GPD1L: variants seen among roughly 807,000 people sequenced by gnomAD.
The protein encoded by GPD1L is glycerol-3-phosphate dehydrogenase 1-like protein.
In GPD1L, 17 loss-of-function variants were observed where a neutral mutation model predicts 32.9. That is an observed-to-expected ratio of 0.52 (90% confidence interval 0.35 to 0.78). The LOEUF (loss-of-function observed/expected upper bound fraction) is 0.78, where lower values mean the gene tolerates loss of function less well. Ranked by LOEUF, GPD1L falls within the 30% of genes least tolerant of loss-of-function variation. GPD1L has a pLI of 0.01. For synonymous variants in GPD1L, 187 were observed against 165.9 expected (o/e 1.13, Z -0.98); for missense variants, 361 against 447.8 (o/e 0.81, Z 1.75).
chr3:32,162,960 C>T (rs748654637), intron 7 of GPD1L, among the ~76,000 whole-genome samples: 16 of 151,890 alleles, frequency 1.1e-4, no homozygotes, highest in Non-Finnish European at 2.2e-4. Flanking sequence ...GTTTTTACCA[C>T]GTTGCCCAGG....
intron 5 of GPD1L, among the ~76,000 whole-genome samples, chr3:32,156,361 C>T (rs1329343344): frequency 6.6e-6 from 1 of 152,230 alleles, no homozygotes; most frequent in Non-Finnish European, 1.5e-5. Context: ...TCCTCATCAG[C>T]TCTGCCTGCA....
chr3:32,119,539 C>T (rs1347715589), intron 1 of GPD1L, among the ~76,000 whole-genome samples: 2 of 152,092 alleles, frequency 1.3e-5, no homozygotes, highest in African/African-American at 4.8e-5. Flanking sequence ...TAGAAAGCTT[C>T]CCTATGTAGA....
intron 1 of GPD1L, among the ~76,000 whole-genome samples, chr3:32,115,656 T>A (rs1054581393): frequency 1.3e-5 from 2 of 151,392 alleles, no homozygotes; most frequent in Non-Finnish European, 2.9e-5. Context: ...ACACTGGCCA[T>A]CTGGACAGAA....
intron 1 of GPD1L, among the ~76,000 whole-genome samples, chr3:32,123,850 A>ACAGG (rs1559571618): frequency 4.6e-5 from 7 of 151,326 alleles, no homozygotes; most frequent in Admixed American, 1.3e-4. Context: ...AGACAGACAG[A>ACAGG]TAAGACCCAT....
intron 7 of GPD1L, among the ~76,000 whole-genome samples, chr3:32,160,254 G>GGATGGATGGAT (rs1283455865): frequency 1.4e-5 from 2 of 143,096 alleles, no homozygotes; most frequent in East Asian, 4.3e-4. Context: ...TGAGATAGAT[G>GGATGGATGGAT]GATGGATGGA....
intron 2 of GPD1L, among the ~76,000 whole-genome samples, chr3:32,128,686 T>C (rs1700546902): frequency 1.3e-5 from 2 of 152,172 alleles, no homozygotes; most frequent in Non-Finnish European, 2.9e-5. Context: ...CTTAAGTTAA[T>C]TACCTCTTTT....
chr3:32,116,810 A>C (rs1353757370), intron 1 of GPD1L, among the ~76,000 whole-genome samples: 1 of 152,216 alleles, frequency 6.6e-6, no homozygotes, highest in Non-Finnish European at 1.5e-5. Context: ...AGTAAGGACT[A>C]TCCCGGTTAA....
At position 32,166,354 on chromosome 3, in the gene GPD1L, A is replaced by G. The variant is rs1042162406; in HGVS notation, c.*444A>G. 4 of 216,602 alleles carry G rather than the reference A, an allele frequency of 1.8e-5. No homozygotes were observed. Among genetic ancestry groups the G allele is most frequent in the Admixed American group, 1.1e-4 (2 of 18,758 alleles). The allele number at this position is 216,602 out of a possible 1,614,324, so 13.4% of individuals were successfully genotyped here. A position where few individuals can be genotyped will look rare whatever the true frequency, so the allele number is the denominator to read the frequency against. On this transcript the variant is annotated 3_prime_UTR_variant, in exon 8 of 8. Coordinates refer to ENST00000282541, the MANE Select transcript of GPD1L (RefSeq NM_015141.4). ...GTAGAGTGGAGGAGTGAGTGTGTTC[A>G]AAGATCAACATATTTAACTTTTAAA...
chr3:32,163,237 T>C (rs377485071), intron 7 of GPD1L, among the ~76,000 whole-genome samples: 1 of 148,668 alleles, frequency 6.7e-6, no homozygotes, highest in African/African-American at 2.5e-5. Context: ...GGCACGATCT[T>C]GGCTCACTGC....
intron 5 of GPD1L, among the ~76,000 whole-genome samples, chr3:32,155,896 G>A (rs373149871): frequency 1.3e-5 from 2 of 152,328 alleles, no homozygotes; most frequent in East Asian, 3.9e-4. Flanking sequence ...CTCTCTGGAT[G>A]TCAGTGCCGT....
rs1485449260 is a variant in GPD1L, at chr3:32,154,098, TC to T, written c.619-4777del. ...CTGACTGGCTCAGTATCTTTATTTTTCTTTTGACAATGGTAAGTGGTGGAGG... is the reference window on the plus strand; with the variant it reads ...CTGACTGGCTCAGTATCTTTATTTTTTTTTGACAATGGTAAGTGGTGGAGG... On this transcript the variant is annotated intron_variant, in intron 5 of 7. Transcript: ENST00000282541. 3.9e-5 allele frequency among the ~76,000 whole-genome samples: 6 copies of T among 152,272 alleles called. No homozygotes were observed. In the East Asian group the frequency reaches 9.7e-4, roughly 24 times the overall value.
Position 32,138,706 on chromosome 3 carries a change from G to T in GPD1L, c.345G>T (p.Ala115=), listed in dbSNP as rs149167213. The change falls in exon 3 of 8, where the codon GCG becomes GCT. Residue 115 remains alanine (A), a synonymous_variant. Transcript: ENST00000282541. The part of the protein sequence containing the change: ...DEITGRVPKK[A]LGITLIKGID... ...TCACTGGGAGAGTGCCCAAGAAAGC[G>T]CTGGGAATCACCCTCATCAAGGTAA... The T allele has an allele frequency of 8.7e-6, 14 of 1,613,976 alleles. No individual in the cohort carries two copies. The highest frequency in any genetic ancestry group is 3.3e-5 in the Admixed American group (2 of 59,986).
intron 2 of GPD1L, among the ~76,000 whole-genome samples, 173 bp downstream of exon 2, chr3:32,128,426 G>A (rs749954287): frequency 4.6e-5 from 7 of 152,144 alleles, no homozygotes; most frequent in Non-Finnish European, 8.8e-5. Context: ...TTCCTATTAT[G>A]TTGCTAAGGA....
At chr3:32,130,622 C>G (rs768900934) in intron 2 of GPD1L, among the ~76,000 whole-genome samples, 4 of 152,182 alleles carry the variant, frequency 2.6e-5, no homozygotes, top group African/African-American at 4.8e-5. Flanking sequence ...TCACTAAAAG[C>G]TGAGCCCGTC....
Position 32,106,788 on chromosome 3 carries a change from T to C in GPD1L, c.47+30T>C. The stretch of plus-strand genomic sequence containing the variant: ...GCGGCGGCGGGCTGGAGGCCGGGGC[T>C]CCGCTTCCAGGAAGCGCCTCTCCCG... On this transcript the variant is annotated intron_variant, in intron 1 of 7. Coordinates refer to ENST00000282541, the MANE Select transcript of GPD1L (RefSeq NM_015141.4). This position sits in a 1 kb window ranked among gnomAD's most constrained non-coding sequence, Gnocchi z 4.0. The C allele has an allele frequency of 6.5e-7, 1 of 1,547,292 alleles. No individual in the cohort carries two copies. Among genetic ancestry groups the C allele is most frequent in the Non-Finnish European group, 8.7e-7 (1 of 1,147,072 alleles).
chr3:32,115,300 T>C (rs150652382), intron 1 of GPD1L, among the ~76,000 whole-genome samples: 13,583 of 152,160 alleles, frequency 0.089, 862 homozygotes, highest in East Asian at 0.26. Context: ...TCCAGAGTAC[T>C]GATTGGTGCA....
intron 2 of GPD1L, among the ~76,000 whole-genome samples, chr3:32,137,515 A>G (rs1700680759): frequency 6.6e-6 from 1 of 152,222 alleles, no homozygotes; most frequent in African/African-American, 2.4e-5. Flanking sequence ...CAGCACTTCC[A>G]TTGATGCTCC....
At chr3:32,148,432 G>A (rs1575118670) in intron 5 of GPD1L, among the ~76,000 whole-genome samples, 1 of 152,158 alleles carries the variant, frequency 6.6e-6, no homozygotes, top group Non-Finnish European at 1.5e-5. Context: ...GCAGGGAGGT[G>A]GGGGTTGAAG....
chr3:32,130,359 G>T (rs1176330578), intron 2 of GPD1L, among the ~76,000 whole-genome samples: 1 of 152,114 alleles, frequency 6.6e-6, no homozygotes, highest in African/African-American at 2.4e-5. Context: ...CCAGCCTCAG[G>T]TAGCCACCTA....
Sources: gnomAD v4.1 joint callset for allele counts (sites outside exome capture counted in the v4.1 genomes callset) on GRCh38, gnomAD v4.1.1 for gene constraint, Gnocchi (gnomAD v3.1) non-coding constraint, MANE v1.5 for transcripts, NCBI Gene and HGNC (gene_info 2026-07-23, HGNC 2026-07-21) for gene names.